ERP44: variants seen among roughly 807,000 people sequenced by gnomAD.
The protein encoded by ERP44 is endoplasmic reticulum resident protein 44.
ERP44 carries 25 observed loss-of-function variants against 53.4 expected under a neutral mutation model. That is an observed-to-expected ratio of 0.47 (90% confidence interval 0.34 to 0.65). The LOEUF (loss-of-function observed/expected upper bound fraction) is 0.65, where lower values mean the gene tolerates loss of function less well. Ranked by LOEUF, ERP44 falls within the 30% of genes least tolerant of loss-of-function variation. ERP44 has a pLI of 0.01. For missense variants in ERP44, 338 were observed against 493.2 expected, an observed-to-expected ratio of 0.69 and a Z score of 2.98; for synonymous variants, 145 against 161.2, an observed-to-expected ratio of 0.90 and a Z score of 0.76.
intron 9 of ERP44, 62 bp from the exon 10 acceptor site, chr9:100,006,709 T>A: frequency 8.2e-7 from 1 of 1,221,478 alleles, no homozygotes; most frequent in East Asian, 2.4e-5. Context: ...TTTTGTAAGA[T>A]TGCAAGCTCA....
intron 1 of ERP44, among the ~76,000 whole-genome samples, chr9:100,098,138 T>C (rs992688393): frequency 6.6e-6 from 1 of 152,138 alleles, no homozygotes; most frequent in Non-Finnish European, 1.5e-5. Flanking sequence ...GAATGCATAT[T>C]CAAATAAGGC....
intron 4 of ERP44, among the ~76,000 whole-genome samples, chr9:100,051,464 C>T (rs1224145987): frequency 2.6e-5 from 4 of 152,160 alleles, no homozygotes; most frequent in African/African-American, 9.7e-5. Flanking sequence ...GTTCTGTATT[C>T]ACACCAACTT....
chr9:100,085,193 G>A (rs1826467131), intron 1 of ERP44, among the ~76,000 whole-genome samples: 1 of 152,134 alleles, frequency 6.6e-6, no homozygotes, highest in Non-Finnish European at 1.5e-5. Flanking sequence ...GTTGTAGAAT[G>A]GAAAATACAA....
chr9:100,042,153 T>C (rs1431265979), intron 4 of ERP44, among the ~76,000 whole-genome samples: 1 of 152,200 alleles, frequency 6.6e-6, no homozygotes, highest in African/African-American at 2.4e-5. Flanking sequence ...ATTTGCCAAC[T>C]ATCCATCTGA....
chr9:100,073,268 T>C (rs1374673603), intron 1 of ERP44, among the ~76,000 whole-genome samples: 1 of 152,188 alleles, frequency 6.6e-6, no homozygotes, highest in Non-Finnish European at 1.5e-5. Flanking sequence ...ATGATCAAGT[T>C]TTTTTTAAAA....
intron 9 of ERP44, among the ~76,000 whole-genome samples, chr9:100,007,269 T>C (rs1224263922): frequency 2.0e-5 from 3 of 152,190 alleles, no homozygotes; most frequent in East Asian, 1.9e-4. Flanking sequence ...GGAATGTCCA[T>C]TGGAAAAGGG....
rs371283635 is a variant in ERP44 at position 100,025,548 on chromosome 9, A to G, written c.287-3322T>C. 2.4e-4 allele frequency among the ~76,000 whole-genome samples: 36 copies of G among 152,314 alleles called. No individual in the cohort carries two copies. In the South Asian group the frequency reaches 7.2e-3, roughly 31 times the overall value. ...TGTTATCTCTCAAAAGCAGAAAAAC[A>G]TTTGATAAAAATCTATATTCATTCA... On this transcript the variant is annotated intron_variant, in intron 4 of 11. Transcript: ENST00000262455.
chr9:100,047,655 C>T (rs1422351393), intron 4 of ERP44, among the ~76,000 whole-genome samples: 1 of 152,136 alleles, frequency 6.6e-6, no homozygotes, highest in African/African-American at 2.4e-5. Flanking sequence ...GAGAGTAAAG[C>T]TTCATGACAT....
intron 4 of ERP44, among the ~76,000 whole-genome samples, chr9:100,029,143 C>T (rs575812458): frequency 6.6e-6 from 1 of 152,038 alleles, no homozygotes; most frequent in Admixed American, 6.5e-5. Context: ...ATGGATACTG[C>T]TTTAAATGCA....
intron 8 of ERP44, among the ~76,000 whole-genome samples, chr9:100,010,436 C>A (rs1830464250): frequency 6.6e-6 from 1 of 152,274 alleles, no homozygotes; most frequent in African/African-American, 2.4e-5. Context: ...CAGGTCTATA[C>A]CTTTAAATCT....
chr9:100,025,952 C>T (rs1830646441), intron 4 of ERP44, among the ~76,000 whole-genome samples: 1 of 152,128 alleles, frequency 6.6e-6, no homozygotes, highest in Admixed American at 6.6e-5. Context: ...CTAGAAAAAA[C>T]TTTGTATCAT....
intron 3 of ERP44, 103 bp downstream of exon 3, chr9:100,057,717 C>T: frequency 1.2e-6 from 1 of 810,696 alleles, no homozygotes; most frequent in Non-Finnish European, 2.1e-6. Flanking sequence ...GTATGGAATA[C>T]TGTCTTGAAA....
chr9:99,988,707 C>T (rs918220181), intron 10 of ERP44, among the ~76,000 whole-genome samples: 17 of 152,088 alleles, frequency 1.1e-4, no homozygotes, highest in Non-Finnish European at 1.8e-4. Flanking sequence ...CCATGGAGGG[C>T]GAGCCGAAGC....
At position 100,020,685 on chromosome 9, in the gene ERP44, T is replaced by C. The variant is rs1327285903; in HGVS notation, c.518A>G (p.Asp173Gly). The C allele has an allele frequency of 6.2e-7, 1 of 1,610,528 alleles. No homozygotes were observed. The highest frequency in any genetic ancestry group is 1.3e-5 in the African/African-American group (1 of 74,872). Residue 173 changes from aspartate to glycine, a missense_variant, in exon 6 of 12, where the codon GAC becomes GGC. By Grantham distance (94) the Asp-to-Gly change is moderately conservative. Coordinates refer to ENST00000262455, the MANE Select transcript of ERP44 (RefSeq NM_015051.3). ...IIGYFEQKDS[D>G]NYRVFERVAN... The stretch of plus-strand genomic sequence containing the variant: ...TACTCGTTCAAAAACTCTATAGTTG[T>C]CCGAGTCCTTTTGCTCAAAATATCC...
At chr9:100,041,004 G>A (rs558600413) in intron 4 of ERP44, among the ~76,000 whole-genome samples, 3 of 151,880 alleles carry the variant, frequency 2.0e-5, no homozygotes, top group Admixed American at 2.0e-4. Flanking sequence ...AACTGAAAGG[G>A]ACAAAAAAAG....
At chr9:100,023,259 GTAC>G (rs1289087734) in intron 4 of ERP44, among the ~76,000 whole-genome samples, 3 of 151,838 alleles carry the variant, frequency 2.0e-5, no homozygotes, top group Admixed American at 6.6e-5. Flanking sequence ...GATTAAATTG[GTAC>G]TACAAATTGA....
chr9:100,005,400 G>T (rs1331446822), intron 10 of ERP44, among the ~76,000 whole-genome samples: 1 of 152,124 alleles, frequency 6.6e-6, no homozygotes, highest in East Asian at 1.9e-4. Context: ...AAAACCCTTG[G>T]TTCTTAGCAC....
intron 10 of ERP44, among the ~76,000 whole-genome samples, chr9:100,005,219 T>A (rs1830415266): frequency 1.3e-5 from 2 of 152,212 alleles, no homozygotes; most frequent in Non-Finnish European, 1.5e-5. Context: ...TCTACAAAAC[T>A]TTATACCTAC....
At chr9:100,032,975 G>A (rs1825808171) in intron 4 of ERP44, among the ~76,000 whole-genome samples, 1 of 152,158 alleles carries the variant, frequency 6.6e-6, no homozygotes, top group African/African-American at 2.4e-5. Flanking sequence ...AAATGTTGCT[G>A]ATCCTTTGTT....
Sources: allele counts gnomAD v4.1 joint callset (sites outside exome capture counted in the v4.1 genomes callset), GRCh38; gene constraint gnomAD v4.1.1; transcripts MANE v1.5; gene names NCBI Gene and HGNC (gene_info 2026-07-23, HGNC 2026-07-21).